Variants in GLRA1 observed in about 807,000 individuals in gnomAD.
GLRA1 encodes the protein glycine receptor alpha 1, also known as glycine receptor subunit alpha-1.
Under a neutral mutation model 48.3 loss-of-function variants are expected in GLRA1, and 37 were observed. That is an observed-to-expected ratio of 0.77 (90% CI 0.59 to 1.01). The LOEUF (loss-of-function observed/expected upper bound fraction) is 1.01, where lower values mean the gene tolerates loss of function less well. GLRA1 is among the 50% of genes least tolerant of loss of function. The pLI is 0.00. For missense variants in GLRA1, 427 were observed against 571.0 expected (o/e 0.75, Z 2.57); for synonymous variants, 196 against 210.7 (o/e 0.93, Z 0.60).
At chr5:151,868,775 G>A (rs570035543) in intron 3 of GLRA1, among the ~76,000 whole-genome samples, 3 of 152,266 alleles carry the variant, frequency 2.0e-5, no homozygotes, top group African/African-American at 7.2e-5. Flanking sequence ...TTTCTGCCTC[G>A]AGCCATGGAT....
At chr5:151,860,058 C>CA in intron 3 of GLRA1, 50 bp from the exon 4 acceptor site, 1 of 1,438,830 alleles carries the variant, frequency 7.0e-7, no homozygotes, top group South Asian at 1.1e-5. Context: ...CCAAGGACAT[C>CA]AACTTTTGGA....
chr5:151,849,099 T>TTC (rs1752764433), intron 7 of GLRA1: 1 of 235,698 alleles, frequency 4.2e-6, no homozygotes, highest in East Asian at 6.0e-5. Context: ...TTTTTATTTC[T>TTC]TTTCTTTTCT....
chr5:151,892,039 C>T (rs1754090100), intron 2 of GLRA1, among the ~76,000 whole-genome samples: 1 of 152,158 alleles, frequency 6.6e-6, no homozygotes. Flanking sequence ...CCATGTTTAT[C>T]CTTCTTCCCA....
At chr5:151,910,315 CA>C (rs934645457) in intron 1 of GLRA1, among the ~76,000 whole-genome samples, 3 of 152,070 alleles carry the variant, frequency 2.0e-5, no homozygotes, top group Non-Finnish European at 4.4e-5. Flanking sequence ...TCCAGCTTTT[CA>C]AAAGTAATAT....
chr5:151,884,796 C>T (rs1753853926), intron 3 of GLRA1, among the ~76,000 whole-genome samples: 2 of 152,142 alleles, frequency 1.3e-5, no homozygotes, highest in Admixed American at 6.5e-5. Context: ...AACCATTTAC[C>T]ATTGAGGAAA....
chr5:151,829,999 T>A (rs1300086006), intron 7 of GLRA1, among the ~76,000 whole-genome samples: 1 of 152,238 alleles, frequency 6.6e-6, no homozygotes, highest in Non-Finnish European at 1.5e-5. Context: ...TTTCTACCTT[T>A]TAGCTACTGT....
chr5:151,831,983 C>T (rs1227150714), intron 7 of GLRA1, among the ~76,000 whole-genome samples: 1 of 152,210 alleles, frequency 6.6e-6, no homozygotes, highest in Non-Finnish European at 1.5e-5. Flanking sequence ...TCTGCAGTCT[C>T]CACTGGTGAT....
chr5:151,905,999 A>G (rs1052409927), intron 1 of GLRA1, among the ~76,000 whole-genome samples: 2 of 152,116 alleles, frequency 1.3e-5, no homozygotes, highest in Admixed American at 1.3e-4. Context: ...TTTTGCAAGC[A>G]TTCCCTAAAT....
At chr5:151,917,859 G>C (rs1754776676) in intron 1 of GLRA1, among the ~76,000 whole-genome samples, 1 of 152,210 alleles carries the variant, frequency 6.6e-6, no homozygotes, top group Admixed American at 6.5e-5. Flanking sequence ...GGGAGCAGAG[G>C]CTTGTTCTCC....
chr5:151,829,685 T>C (rs112931207), intron 7 of GLRA1, among the ~76,000 whole-genome samples: 2 of 152,358 alleles, frequency 1.3e-5, no homozygotes, highest in African/African-American at 4.8e-5. Flanking sequence ...TTCACACATA[T>C]GTGCAATCAT....
chr5:151,868,671 T>C (rs1202758135), intron 3 of GLRA1, among the ~76,000 whole-genome samples: 1 of 152,190 alleles, frequency 6.6e-6, no homozygotes, highest in Admixed American at 6.5e-5. Context: ...GACGTACCTG[T>C]GGGTTTTTAG....
chr5:151,823,240 G>A (rs988194130), intron 8 of GLRA1, among the ~76,000 whole-genome samples: 1 of 152,150 alleles, frequency 6.6e-6, no homozygotes, highest in African/African-American at 2.4e-5. Context: ...TCAATTGCTG[G>A]TTGTATGACC....
At chr5:151,896,039 C>G (rs1754220169) in intron 1 of GLRA1, among the ~76,000 whole-genome samples, 1 of 152,200 alleles carries the variant, frequency 6.6e-6, no homozygotes. Flanking sequence ...GCCCTTAGGC[C>G]TCTCTCATAA....
intron 3 of GLRA1, among the ~76,000 whole-genome samples, chr5:151,874,910 A>G (rs191292478): frequency 1.4e-3 from 212 of 152,136 alleles, no homozygotes; most frequent in African/African-American, 4.6e-3. Context: ...TCTAGAAACT[A>G]TGGGAAGTGA....
intron 3 of GLRA1, among the ~76,000 whole-genome samples, chr5:151,885,643 G>A (rs759069461): frequency 2.6e-5 from 4 of 152,216 alleles, no homozygotes; most frequent in Non-Finnish European, 5.9e-5. Context: ...AAAGCAGAGA[G>A]CGAGAGACGA....
In GLRA1 at chr5:151,857,615, A is replaced by C. The variant is rs1302313859; in HGVS notation, c.477-1232T>G. On this transcript the variant is annotated intron_variant, in intron 4 of 8. Coordinates refer to ENST00000274576, the MANE Select transcript of GLRA1 (RefSeq NM_000171.4). ...TGGGTGTCCAGACACAGTTGACTAC[A>C]TCAGTAGGCTCATGCTGGGGTCGAC... 3.3e-5 allele frequency among the ~76,000 whole-genome samples: 5 copies of C among 152,194 alleles called. No individual in the cohort carries two copies. The East Asian group carries it at 9.6e-4, about 29-fold the overall frequency.
intron 1 of GLRA1, among the ~76,000 whole-genome samples, chr5:151,922,484 G>A (rs1215991919): frequency 1.3e-5 from 2 of 152,160 alleles, no homozygotes; most frequent in Non-Finnish European, 2.9e-5. Flanking sequence ...CCCTAATGAA[G>A]TAGCCGTTCC....
chr5:151,921,876 C>A (rs773198482), intron 1 of GLRA1, among the ~76,000 whole-genome samples: 113 of 152,162 alleles, frequency 7.4e-4, no homozygotes, highest in Admixed American at 9.2e-4. Flanking sequence ...CCCGATCTTA[C>A]TTATGAAGAC....
Position 151,924,480 on chromosome 5 carries a change from A to G in GLRA1, c.56+14T>C. 1.3e-6 allele frequency: 2 copies of G among 1,506,290 alleles called. No homozygotes were observed. Among genetic ancestry groups the G allele is most frequent in the South Asian group, 1.1e-5 (1 of 88,888 alleles). The allele number at this position is 1,506,290 out of a possible 1,614,324, so 93.3% of individuals were successfully genotyped here. On this transcript the variant is annotated intron_variant, in intron 1 of 8. Coordinates refer to ENST00000274576, the MANE Select transcript of GLRA1 (RefSeq NM_000171.4). ...TTTCCATCAGAGCGATGTGGTCAGT[A>G]GAAAATTGCATACCTGAAGAATACA...
Sources: gnomAD v4.1 joint callset for allele counts (sites outside exome capture counted in the v4.1 genomes callset) on GRCh38, gnomAD v4.1.1 for gene constraint, MANE v1.5 for transcripts, NCBI Gene and HGNC (gene_info 2026-07-23, HGNC 2026-07-21) for gene names.